ECEL1: variants seen among roughly 807,000 people sequenced by gnomAD.
The protein encoded by ECEL1 is endothelin-converting enzyme-like 1.
Under a neutral mutation model 101.8 loss-of-function variants are expected in ECEL1, and 87 were observed. The ratio of observed to expected loss-of-function variants is 0.85; its 90% CI spans 0.72 to 1.02. The LOEUF is 1.02. Among genes scored for constraint, ECEL1 ranks in the 50% least tolerant of loss-of-function variants. The pLI, the probability that ECEL1 is intolerant of heterozygous loss-of-function variation, is 0.00. For synonymous variants in ECEL1, 487 were observed against 468.7 expected, an observed-to-expected ratio of 1.04 and a Z score of -0.50; for missense variants, 1,032 against 1,079.2, an observed-to-expected ratio of 0.96 and a Z score of 0.61.
chr2:232,485,313 G>C, intron 2 of ECEL1, 46 bp from the exon 3 acceptor site: 1 of 1,600,006 alleles, frequency 6.2e-7, no homozygotes, highest in Non-Finnish European at 8.5e-7. Context: ...CACACCTCAG[G>C]TTCCCTAAAC....
Position 232,482,902 on chromosome 2 carries a change from A to C in ECEL1, c.1634T>G (p.Phe545Cys), listed in dbSNP as rs767550105. 2 of 1,614,186 alleles carry C rather than the reference A, an allele frequency of 1.2e-6. No homozygotes were observed. Among genetic ancestry groups the C allele is most frequent in the South Asian group, 2.2e-5 (2 of 91,074 alleles). Residue 545 changes from phenylalanine to cysteine, a missense_variant, in exon 10 of 18, where the codon TTC (phenylalanine) becomes TGC (cysteine). Physicochemically the swap from Phe to Cys is radical, Grantham distance 205 (BLOSUM62 -2). Coordinates refer to ENST00000304546, the MANE Select transcript of ECEL1 (RefSeq NM_004826.4). ...YFKNILNSIRFSIQLSVKKIR... is the reference protein window; with the variant it reads ...YFKNILNSIRCSIQLSVKKIR... ...CTTCTTAACTGAGAGCTGGATGCTG[A>C]AGCGGATGCTGTTCAAGATGTTCTT...
At chr2:232,484,667 G>A (rs1690673764) in intron 5 of ECEL1, 71 bp from the exon 6 acceptor site, 2 of 1,604,848 alleles carry the variant, frequency 1.2e-6, no homozygotes, top group Admixed American at 1.7e-5. Flanking sequence ...AGGGGGCAGA[G>A]AGAGGCAGCG....
Position 232,480,069 on chromosome 2 carries a change from G to T in ECEL1, c.*84C>A. The T allele has an allele frequency of 1.5e-6, 2 of 1,377,848 alleles. No homozygotes were observed. Among genetic ancestry groups the T allele is most frequent in the South Asian group, 1.3e-5 (1 of 79,712 alleles). The allele number at this position is 1,377,848 out of a possible 1,614,324, so 85.4% of individuals were successfully genotyped here. ...GGCAGGTGGTGCCCAGAGCGGGGCT[G>T]GCACCGGGTGCATGCCTGCCCCGGT... On this transcript the variant is annotated 3_prime_UTR_variant, in exon 18 of 18. Coordinates refer to ENST00000304546, the MANE Select transcript of ECEL1 (RefSeq NM_004826.4).
At chr2:232,481,671 G>GCCCCCCCC in intron 13 of ECEL1, 41 bp from the exon 14 acceptor site, 2 of 1,602,224 alleles carry the variant, frequency 1.2e-6, no homozygotes, top group East Asian at 2.3e-5. Context: ...CCTCACCTGA[G>GCCCCCCCC]CCCCCTCCCC....
Position 232,485,895 on chromosome 2 carries a change from G to T in ECEL1, c.759C>A (p.Asp253Glu). ...GGATGACGTAGCGCGAGGAGTTCCT[G>T]TCGTCCAGGCTGACCGTGAGCGAGA... ...ALFSLTVSLDDRNSSRYVIRI... is the reference protein window; with the variant it reads ...ALFSLTVSLDERNSSRYVIRI... Residue 253 changes from aspartate to glutamate, a missense_variant, in exon 2 of 18, where the codon GAC (aspartate) becomes GAA (glutamate). Physicochemically the swap from Asp to Glu is conservative, Grantham distance 45. Coordinates refer to ENST00000304546, the MANE Select transcript of ECEL1 (RefSeq NM_004826.4). 5 of 1,565,338 alleles carry T rather than the reference G, an allele frequency of 3.2e-6. No homozygotes were observed. Among genetic ancestry groups the T allele is most frequent in the Non-Finnish European group, 4.3e-6 (5 of 1,158,346 alleles).
chr2:232,481,602 C>T lies in ECEL1; in HGVS notation c.1893G>A (p.Leu631=). Residue 631 remains leucine (L), a synonymous_variant, in exon 14 of 18, where the codon CTG becomes CTA. Coordinates refer to ENST00000304546, the MANE Select transcript of ECEL1 (RefSeq NM_004826.4). The part of the protein sequence containing the change: ...WGGQYDRSGN[L]LHWWTEASYS... The stretch of plus-strand genomic sequence containing the variant: ...AGGAGGCCTCCGTCCACCAGTGCAG[C>T]AGGTTCCCTGAGCGGTCATACTGGC... 6.2e-7 allele frequency: 1 copy of T among 1,613,830 alleles called. No individual in the cohort carries two copies. Among genetic ancestry groups the T allele is most frequent in the East Asian group, 2.2e-5 (1 of 44,880 alleles).
chr2:232,482,759 T>C, intron 10 of ECEL1, 92 bp downstream of exon 10: 1 of 1,536,810 alleles, frequency 6.5e-7, no homozygotes. Flanking sequence ...GTGCCCCCCA[T>C]ATCTGCATGG....
intron 9 of ECEL1, 30 bp downstream of exon 9, chr2:232,483,075 A>G: frequency 6.2e-7 from 1 of 1,611,190 alleles, no homozygotes; most frequent in Non-Finnish European, 8.5e-7. Flanking sequence ...GGGGCTGTGG[A>G]CAGGCTGGGC....
chr2:232,487,352 G>A (rs1690756614), intron 1 of ECEL1, among the ~76,000 whole-genome samples: 1 of 152,086 alleles, frequency 6.6e-6, no homozygotes, highest in Non-Finnish European at 1.5e-5. Flanking sequence ...CAGGGTGGCG[G>A]ACACACAACC....
In ECEL1 at chr2:232,481,620, A is replaced by T. The variant is rs1483958797; in HGVS notation, c.1875T>A (p.Tyr625Ter). The T allele has an allele frequency of 6.2e-7, 1 of 1,613,720 alleles. No homozygotes were observed. Among genetic ancestry groups the T allele is most frequent in the East Asian group, 2.2e-5 (1 of 44,888 alleles). ...THGYDDWGGQYDRSGNLLHWW... is the reference protein window; with the variant it reads ...THGYDDWGGQ ...AGTGCAGCAGGTTCCCTGAGCGGTCATACTGGCCCCCTGTGGGCAGTGCAG... is the reference window on the plus strand; with the variant it reads ...AGTGCAGCAGGTTCCCTGAGCGGTCTTACTGGCCCCCTGTGGGCAGTGCAG... Residue 625 changes from tyrosine (Y) to a stop codon, truncating the protein, a stop_gained, in exon 14 of 18, where the codon TAT becomes TAA. Transcript: ENST00000304546. LOFTEE classifies it high-confidence loss of function.
At position 232,484,169 on chromosome 2, in the gene ECEL1, C is replaced by A; in HGVS notation, c.1239G>T (p.Leu413=). Residue 413 remains leucine, a synonymous_variant, in exon 7 of 18, where the codon CTG becomes CTT. Coordinates refer to ENST00000304546, the MANE Select transcript of ECEL1 (RefSeq NM_004826.4). ...GCAGTGCCTCACGGAATGGCGGGGA[C>A]AGGTGTTCACTCAGGACCACCACCA... ...WRVVVVLSEH[L]SPPFREALHE... 1 of 1,613,360 alleles carries A rather than the reference C, an allele frequency of 6.2e-7. No homozygotes were observed.
intron 16 of ECEL1, 106 bp from the exon 17 acceptor site, chr2:232,480,581 A>G: frequency 6.6e-7 from 1 of 1,512,820 alleles, no homozygotes; most frequent in South Asian, 1.2e-5. Flanking sequence ...TCAGCACCAC[A>G]GGACCATCAC....
intron 14 of ECEL1, 37 bp from the exon 15 acceptor site, chr2:232,481,193 G>A (rs1370189685): frequency 6.5e-7 from 1 of 1,548,712 alleles, no homozygotes. Flanking sequence ...GCTGCTTGGG[G>A]CCCAGCTGGC....
intron 13 of ECEL1, 47 bp from the exon 14 acceptor site, chr2:232,481,677 T>G: frequency 1.5e-5 from 16 of 1,069,354 alleles, no homozygotes; most frequent in Non-Finnish European, 1.9e-5. Context: ...CTGAGCCCCC[T>G]CCCCTCCCCA....
In ECEL1 at chr2:232,486,502, C is replaced by T; in HGVS notation, c.152G>A (p.Gly51Glu). The change falls in exon 2 of 18, where the codon GGG becomes GAG. Residue 51 changes from glycine to glutamate, a missense_variant. By Grantham distance (98) the Gly-to-Glu change is moderately conservative (BLOSUM62 -2). Coordinates refer to ENST00000304546, the MANE Select transcript of ECEL1 (RefSeq NM_004826.4). Reference protein sequence around the residue: ...AARSATGARSGLPRWNRREVC... With the variant: ...AARSATGARSELPRWNRREVC... ...CTCGCGCCGGTTCCAGCGCGGCAGC[C>T]CGGACCGGGCCCCGGTGGCGCTGCG... The T allele has an allele frequency of 7.3e-7, 1 of 1,376,214 alleles. No individual in the cohort carries two copies. The highest frequency in any genetic ancestry group is 9.3e-7 in the Non-Finnish European group (1 of 1,075,096). 85.3% of individuals were successfully genotyped at this position (1,376,214 alleles called of 1,614,324 possible).
rs1350728887 is a variant in ECEL1, at chr2:232,487,808, T to C, written c.-191A>G. ...GCAGCGCAGCCGAGCGGGCGTCCGG[T>C]GTCTCCCAGCGCCCGCCGCCTCCTC... On this transcript the variant is annotated 5_prime_UTR_variant, in exon 1 of 18. Coordinates refer to ENST00000304546, the MANE Select transcript of ECEL1 (RefSeq NM_004826.4). 6.7e-6 allele frequency: 1 copy of C among 148,788 alleles called. No individual in the cohort carries two copies. Among genetic ancestry groups the C allele is most frequent in the Non-Finnish European group, 1.5e-5 (1 of 66,680 alleles). The allele number at this position is 148,788 out of a possible 1,614,324, so 9.2% of individuals were successfully genotyped here.
In ECEL1 at chr2:232,486,724, C is replaced by T. The variant is rs1351592779; in HGVS notation, c.-71G>A. 7 of 1,372,964 alleles carry T rather than the reference C, an allele frequency of 5.1e-6. No individual in the cohort carries two copies. In the African/African-American group the frequency reaches 9.2e-5, roughly 18 times the overall value. The allele number at this position is 1,372,964 out of a possible 1,614,324, so 85.0% of individuals were successfully genotyped here. On this transcript the variant is annotated 5_prime_UTR_variant, in exon 2 of 18. Coordinates refer to ENST00000304546, the MANE Select transcript of ECEL1 (RefSeq NM_004826.4). The stretch of plus-strand genomic sequence containing the variant: ...GGATGCGCGTGGCCGCCGGCCTCCT[C>T]GTGGGCCTCCGCATGGCCCTGGGGC...
rs1305565855 is a variant in ECEL1, at chr2:232,485,104, AG to A, written c.856-14del. On this transcript the variant is annotated splice_polypyrimidine_tract_variant and intron_variant, in intron 3 of 17. Coordinates refer to ENST00000304546, the MANE Select transcript of ECEL1 (RefSeq NM_004826.4). ...ATGCTGCCAGGATCTGCACCAGGGG[AG>A]GGGGCTCACCCAGGGACAGGGACAG... 1 of 1,611,378 alleles carries A rather than the reference AG, an allele frequency of 6.2e-7. No individual in the cohort carries two copies. Among genetic ancestry groups the A allele is most frequent in the Admixed American group, 1.7e-5 (1 of 60,012 alleles).
chr2:232,485,236 C>T lies in ECEL1; in HGVS notation c.818G>A (p.Arg273Lys), dbSNP rs1453262131. ...IDQDGLTLPERTLYLAQDEDS... is the reference protein window; with the variant it reads ...IDQDGLTLPEKTLYLAQDEDS... ...CTCATCCTGAGCGAGGTACAGGGTC[C>T]TCTCTGGCAGGGTGAGCCCATCCTG... Residue 273 changes from arginine to lysine, a missense_variant, in exon 3 of 18, where the codon AGG becomes AAG. Physicochemically the swap from Arg to Lys is conservative, Grantham distance 26. Coordinates refer to ENST00000304546, the MANE Select transcript of ECEL1 (RefSeq NM_004826.4). 1 of 1,613,690 alleles carries T rather than the reference C, an allele frequency of 6.2e-7. No homozygotes were observed. Among genetic ancestry groups the T allele is most frequent in the South Asian group, 1.1e-5 (1 of 91,072 alleles).
Sources: gnomAD v4.1 joint callset for allele counts (sites outside exome capture counted in the v4.1 genomes callset) on GRCh38, gnomAD v4.1.1 for gene constraint, MANE v1.5 for transcripts, NCBI Gene and HGNC (gene_info 2026-07-23, HGNC 2026-07-21) for gene names.